STRN: variants seen among roughly 807,000 people sequenced by gnomAD.
STRN encodes the protein protein phosphatase 2 regulatory subunit B'''alpha.
A neutral mutation model predicts 96.3 loss-of-function variants in STRN; 53 were observed. That is an observed-to-expected ratio of 0.55 (90% CI 0.44 to 0.69). The LOEUF is 0.69. STRN is among the 30% of genes least tolerant of loss of function. The pLI is 0.00. For missense variants in STRN, 987 were observed against 963.9 expected (o/e 1.02, Z -0.32); for synonymous variants, 428 against 355.9 (o/e 1.20, Z -2.28).
intron 3 of STRN, among the ~76,000 whole-genome samples, chr2:36,907,846 TA>T (rs776098123): frequency 1.1e-4 from 17 of 152,086 alleles, no homozygotes; most frequent in Non-Finnish European, 1.9e-4. Context: ...GTTTTTCTTC[TA>T]AAAGAACTCT....
rs141364562 is a variant in STRN at position 36,838,274 on chromosome 2, T to C, written c.*11182A>G. Among the ~76,000 whole-genome samples, 105 of 152,302 alleles carry C rather than the reference T, an allele frequency of 6.9e-4. 1 individual carries two copies. Among genetic ancestry groups the C allele is most frequent in the African/African-American group, 2.5e-3 (102 of 41,536 alleles). ...AGGGACCTCCATCCTCTGACTTTAA[T>C]GAGGCTGGAAGCGAATTCCTCCTCA... On this transcript the variant is annotated 3_prime_UTR_variant, in exon 18 of 18. Transcript: ENST00000263918.
rs1423280403 is a variant in STRN, at chr2:36,925,173, G to C, written c.270C>G (p.Gly90=). The C allele has an allele frequency of 2.5e-6, 4 of 1,613,554 alleles. No individual in the cohort carries two copies. The highest frequency in any genetic ancestry group is 3.4e-6 in the Non-Finnish European group (4 of 1,179,806). ...QIAFLQGERK[G]QENLKKDLVR... Reference sequence around the variant, plus strand: ...CAAGATCCTTCTTCAAATTTTCTTGGCCCTTCCTTTCTCCCTGCAGGAAGG... The same window carrying C: ...CAAGATCCTTCTTCAAATTTTCTTGCCCCTTCCTTTCTCCCTGCAGGAAGG... Residue 90 remains glycine, a synonymous_variant, in exon 2 of 18, where the codon GGC becomes GGG. Transcript: ENST00000263918.
chr2:36,966,522 G>A lies in STRN; in HGVS notation c.-59C>T, dbSNP rs1224851477. 6.6e-6 allele frequency: 9 copies of A among 1,363,764 alleles called. No individual in the cohort carries two copies. The South Asian group carries it at 1.3e-4, about 20-fold the overall frequency. The allele number at this position is 1,363,764 out of a possible 1,614,324, so 84.5% of individuals were successfully genotyped here. On this transcript the variant is annotated 5_prime_UTR_variant, in exon 1 of 18. Coordinates refer to ENST00000263918, the MANE Select transcript of STRN (RefSeq NM_003162.4). The stretch of plus-strand genomic sequence containing the variant: ...GCCCAGCAGCGGAGGCAACAGCGGC[G>A]GCAAGCAGCGCCTCCTCCTCCCTCC...
intron 13 of STRN, among the ~76,000 whole-genome samples, chr2:36,858,802 T>C (rs557062894): frequency 1.7e-4 from 26 of 152,302 alleles, no homozygotes; most frequent in African/African-American, 6.0e-4. Context: ...CTATGCTCAA[T>C]GATGGAGCCA....
intron 1 of STRN, among the ~76,000 whole-genome samples, chr2:36,951,204 T>G (rs1348980186): frequency 6.6e-6 from 1 of 152,214 alleles, no homozygotes; most frequent in African/African-American, 2.4e-5. Flanking sequence ...AGAGATTTCC[T>G]GGCAGTCAGT....
intron 1 of STRN, among the ~76,000 whole-genome samples, chr2:36,953,103 G>C (rs1558667898): frequency 6.6e-6 from 1 of 152,168 alleles, no homozygotes; most frequent in African/African-American, 2.4e-5. Flanking sequence ...AATGAAACCT[G>C]TGTGTTCAGT....
At chr2:36,906,406 C>T (rs1209712990) in intron 3 of STRN, among the ~76,000 whole-genome samples, 2 of 152,056 alleles carry the variant, frequency 1.3e-5, no homozygotes, top group Non-Finnish European at 2.9e-5. Context: ...CTGCAGTGAG[C>T]TGTGATCGTG....
At chr2:36,957,132 T>C (rs998862511) in intron 1 of STRN, among the ~76,000 whole-genome samples, 1 of 151,926 alleles carries the variant, frequency 6.6e-6, no homozygotes, top group Non-Finnish European at 1.5e-5. Flanking sequence ...CCCTCCAGAG[T>C]GGACAGTCTA....
At chr2:36,857,757 TA>T in intron 14 of STRN, 98 bp downstream of exon 14, 1 of 1,027,500 alleles carries the variant, frequency 9.7e-7, no homozygotes, top group South Asian at 2.4e-5. Context: ...ACTTTCAAAT[TA>T]AATTTAAAGA....
At chr2:36,877,834 C>T in intron 10 of STRN, 57 bp downstream of exon 10, 2 of 1,601,156 alleles carry the variant, frequency 1.2e-6, no homozygotes, top group African/African-American at 1.3e-5. Context: ...CGCACCCAGC[C>T]CAAGTTTTTG....
At position 36,841,039 on chromosome 2, in the gene STRN, T is replaced by A. The variant is rs190908568; in HGVS notation, c.*8417A>T. On this transcript the variant is annotated 3_prime_UTR_variant, in exon 18 of 18. Coordinates refer to ENST00000263918, the MANE Select transcript of STRN (RefSeq NM_003162.4). Reference sequence around the variant, plus strand: ...CACAAAATTGCCTGGAACTACAACCTTCAAGTTCAAAATTTCTACCTCCAG... The same window carrying A: ...CACAAAATTGCCTGGAACTACAACCATCAAGTTCAAAATTTCTACCTCCAG... The A allele has an allele frequency of 6.6e-6, 1 of 152,332 alleles. No homozygotes were observed. The highest frequency in any genetic ancestry group is 1.9e-4 in the East Asian group (1 of 5,188). 9.4% of individuals were successfully genotyped at this position (152,332 alleles called of 1,614,324 possible).
intron 10 of STRN, among the ~76,000 whole-genome samples, chr2:36,876,606 G>A (rs958250185): frequency 6.6e-5 from 10 of 152,242 alleles, no homozygotes; most frequent in Middle Eastern, 3.4e-3. Context: ...TGTGCTGCAA[G>A]AGATACATTG....
rs990591308 is a variant in STRN at position 36,845,869 on chromosome 2, C to G, written c.*3587G>C. 2 of 144,202 alleles carry G rather than the reference C, an allele frequency of 1.4e-5. No homozygotes were observed. Among genetic ancestry groups the G allele is most frequent in the African/African-American group, 2.6e-5 (1 of 38,776 alleles). The allele number at this position is 144,202 out of a possible 1,614,324, so 8.9% of individuals were successfully genotyped here. ...GACATTGATGGTCACAAATCAGGAC[C>G]TTCACAGATTGGTAAACACACACAC... On this transcript the variant is annotated 3_prime_UTR_variant, in exon 18 of 18. Coordinates refer to ENST00000263918, the MANE Select transcript of STRN (RefSeq NM_003162.4).
rs760113246 is a variant in STRN, at chr2:36,966,480, C to T, written c.-17G>A. The T allele has an allele frequency of 5.3e-5, 76 of 1,424,722 alleles. No individual in the cohort carries two copies. The African/African-American group carries it at 8.9e-4, about 17-fold the overall frequency. 88.3% of individuals were successfully genotyped at this position (1,424,722 alleles called of 1,614,324 possible). A position where few individuals can be genotyped will look rare whatever the true frequency, so the allele number is the denominator to read the frequency against. ...CTCGTCCATGGCGGCCGCAGATACC[C>T]GGGGAGCTGCCCCGGCGCCCAGCAG... is the stretch of plus-strand genomic sequence containing the variant. On this transcript the variant is annotated 5_prime_UTR_variant, in exon 1 of 18. Transcript: ENST00000263918.
At chr2:36,852,226 A>G (rs1668238689) in intron 15 of STRN, among the ~76,000 whole-genome samples, 1 of 152,212 alleles carries the variant, frequency 6.6e-6, no homozygotes, top group African/African-American at 2.4e-5. Context: ...AACCTCAGTG[A>G]TTTCTGTTAA....
rs554531718 is a variant in STRN at position 36,846,321 on chromosome 2, A to T, written c.*3135T>A. The T allele has an allele frequency of 4.6e-4, 65 of 142,086 alleles. No individual in the cohort carries two copies. Among genetic ancestry groups the T allele is most frequent in the Admixed American group, 1.2e-3 (17 of 14,176 alleles). The allele number at this position is 142,086 out of a possible 1,614,324, so 8.8% of individuals were successfully genotyped here. On this transcript the variant is annotated 3_prime_UTR_variant, in exon 18 of 18. Transcript: ENST00000263918. The stretch of plus-strand genomic sequence containing the variant: ...AAACAGCACAACACTCATCATACTC[A>T]TCATTATCTGCTGTGTATACTACCT...
At chr2:36,898,468 T>C (rs1347893613) in intron 6 of STRN, among the ~76,000 whole-genome samples, 3 of 152,182 alleles carry the variant, frequency 2.0e-5, no homozygotes, top group South Asian at 2.1e-4. Flanking sequence ...AAAACAATAA[T>C]CTGGTAGTAA....
rs564636216 is a variant in STRN, at chr2:36,849,066, T to C, written c.*390A>G. The C allele has an allele frequency of 4.1e-5, 7 of 169,522 alleles. No individual in the cohort carries two copies. The South Asian group carries it at 1.1e-3, about 27-fold the overall frequency. The allele number at this position is 169,522 out of a possible 1,614,324, so 10.5% of individuals were successfully genotyped here. A position where few individuals can be genotyped will look rare whatever the true frequency, so the allele number is the denominator to read the frequency against. On this transcript the variant is annotated 3_prime_UTR_variant, in exon 18 of 18. Transcript: ENST00000263918. ...TCTCAGGGGAGAACTTGGTCTAAGT[T>C]TCCCGTTTTCTTCTATTCAGTCCCA...
Position 36,914,972 on chromosome 2 carries a change from C to A in STRN, c.412+1106G>T, listed in dbSNP as rs1031224195. Among the ~76,000 whole-genome samples, 7 of 151,598 alleles carry A rather than the reference C, an allele frequency of 4.6e-5. No individual in the cohort carries two copies. In the East Asian group the frequency reaches 1.2e-3, roughly 25 times the overall value. ...AGCACTTTGGGAGGCCGAGGGGGGG[C>A]GGATCCCGAGGTCAGGAGATCGAGA... On this transcript the variant is annotated intron_variant, in intron 3 of 17. Coordinates refer to ENST00000263918, the MANE Select transcript of STRN (RefSeq NM_003162.4).
Sources: allele counts gnomAD v4.1 joint callset (sites outside exome capture counted in the v4.1 genomes callset), GRCh38; gene constraint gnomAD v4.1.1; transcripts MANE v1.5; gene names NCBI Gene and HGNC (gene_info 2026-07-23, HGNC 2026-07-21).